CSMD2: variants seen among roughly 807,000 people sequenced by gnomAD.
The protein encoded by CSMD2 is CUB and Sushi multiple domains 2, also known as CUB and sushi domain-containing protein 2.
In CSMD2, 130 loss-of-function variants were observed where a neutral mutation model predicts 398.5. The ratio of observed to expected loss-of-function variants is 0.33; its 90% CI spans 0.28 to 0.38. CSMD2 has a LOEUF of 0.38. CSMD2 is among the 10% of genes least tolerant of loss of function. The probability of loss-of-function intolerance (pLI) is 1.00; values close to 1 mark genes in which losing one functional copy is unlikely to be tolerated. For missense variants in CSMD2, 3,829 were observed against 4,764.9 expected (o/e 0.80, Z 5.78); for synonymous variants, 1,828 against 1,908.5 (o/e 0.96, Z 1.10).
At chr1:33,655,375 A>C (rs1643916879) in intron 27 of CSMD2, among the ~76,000 whole-genome samples, 1 of 152,248 alleles carries the variant, frequency 6.6e-6, no homozygotes, top group South Asian at 2.1e-4. Context: ...GCTAACTATG[A>C]GCCAGGCACA....
intron 5 of CSMD2, among the ~76,000 whole-genome samples, chr1:33,874,639 T>G (rs1396475967): frequency 6.6e-6 from 1 of 152,166 alleles, no homozygotes; most frequent in Non-Finnish European, 1.5e-5. Context: ...CCTGGATCTA[T>G]CCCTGGGTGT....
At chr1:33,521,390 A>G in intron 68 of CSMD2, 73 bp downstream of exon 68, 1 of 1,053,392 alleles carries the variant, frequency 9.5e-7, no homozygotes, top group Non-Finnish European at 1.5e-6. Context: ...CCAGTCCTCT[A>G]CCTGACCACG....
At position 33,561,558 on chromosome 1, in the gene CSMD2, T is replaced by C. The variant is rs140587181; in HGVS notation, c.8381-2085A>G. Among the ~76,000 whole-genome samples the C allele has an allele frequency of 2.8e-3, 420 of 152,320 alleles. 1 individual carries two copies. The highest frequency in any genetic ancestry group is 0.01 in the Middle Eastern group (3 of 294). ...ATGGAGTGGAATATACAAAGAAGAA[T>C]ATAAAATGTTCTCTGACCTCAGGAA... is the stretch of plus-strand genomic sequence containing the variant. On this transcript the variant is annotated intron_variant, in intron 53 of 70. Coordinates refer to ENST00000373381, the MANE Select transcript of CSMD2 (RefSeq NM_001281956.2).
intron 4 of CSMD2, among the ~76,000 whole-genome samples, chr1:33,920,401 G>C (rs1570507074): frequency 2.0e-5 from 3 of 151,528 alleles, no homozygotes; most frequent in Non-Finnish European, 4.4e-5. Context: ...AGTTGGCTGG[G>C]TGTGGTGGCG....
chr1:34,070,384 C>A (rs1222012982), intron 2 of CSMD2, among the ~76,000 whole-genome samples: 1 of 152,196 alleles, frequency 6.6e-6, no homozygotes, highest in Non-Finnish European at 1.5e-5. Flanking sequence ...TTTCTCCCGC[C>A]CTCCACAGGC....
intron 40 of CSMD2, 64 bp from the exon 41 acceptor site, chr1:33,611,314 T>A: frequency 7.1e-7 from 1 of 1,403,998 alleles, no homozygotes; most frequent in Non-Finnish European, 1.0e-6. Context: ...GTGTGCTGCC[T>A]CATGAAAGCA....
At chr1:33,913,485 A>G (rs1030625333) in intron 5 of CSMD2, among the ~76,000 whole-genome samples, 23 of 152,168 alleles carry the variant, frequency 1.5e-4, no homozygotes, top group African/African-American at 5.3e-4. Context: ...TTTTCCTCTC[A>G]AAGCCTCATT....
At chr1:33,516,976 G>A (rs865788990) in intron 70 of CSMD2, among the ~76,000 whole-genome samples, 1 of 151,646 alleles carries the variant, frequency 6.6e-6, no homozygotes, top group Non-Finnish European at 1.5e-5. Flanking sequence ...ATTCATTTTT[G>A]TAGTGACACA....
At chr1:34,030,248 A>G (rs1031717780) in intron 3 of CSMD2, among the ~76,000 whole-genome samples, 27 of 152,328 alleles carry the variant, frequency 1.8e-4, no homozygotes, top group African/African-American at 6.5e-4. Context: ...GCTGATGGCT[A>G]CTGTATTGGA....
chr1:33,868,866 AATGG>A (rs1640237047), intron 5 of CSMD2: 1 of 152,182 alleles, frequency 6.6e-6, no homozygotes, highest in Non-Finnish European at 1.5e-5. Context: ...GGGCACTTGA[AATGG>A]ATGGTCAGAA....
In CSMD2 at chr1:34,007,528, C is replaced by T. The variant is rs60661749; in HGVS notation, c.517+25066G>A. ...AATGGGTATGCATTACTGATAAGAACATAAATCTCCCTGGAAAGCAATTTG... is the reference window on the plus strand; with the variant it reads ...AATGGGTATGCATTACTGATAAGAATATAAATCTCCCTGGAAAGCAATTTG... On this transcript the variant is annotated intron_variant, in intron 3 of 70. Transcript: ENST00000373381. 1.6e-3 allele frequency among the ~76,000 whole-genome samples: 238 copies of T among 152,258 alleles called. 1 individual carries two copies. The highest frequency in any genetic ancestry group is 5.2e-3 in the African/African-American group (218 of 41,550).
At chr1:34,035,673 G>GAAA (rs201969213) in intron 2 of CSMD2, among the ~76,000 whole-genome samples, 1 of 130,154 alleles carries the variant, frequency 7.7e-6, no homozygotes, top group African/African-American at 2.7e-5. Flanking sequence ...GTAGTTAAAC[G>GAAA]AAAAAAAAAA....
At chr1:33,963,888 G>A (rs1381934600) in intron 3 of CSMD2, among the ~76,000 whole-genome samples, 2 of 152,104 alleles carry the variant, frequency 1.3e-5, no homozygotes, top group Non-Finnish European at 2.9e-5. Flanking sequence ...AAGTCTTTGT[G>A]TGGACATATG....
At chr1:33,793,832 A>T (rs1654630894) in intron 10 of CSMD2, among the ~76,000 whole-genome samples, 1 of 152,048 alleles carries the variant, frequency 6.6e-6, no homozygotes, top group African/African-American at 2.4e-5. Context: ...GGAGGGAAAG[A>T]TCCAGGATAA....
At chr1:33,999,224 C>T (rs1420177513) in intron 3 of CSMD2, among the ~76,000 whole-genome samples, 1 of 152,064 alleles carries the variant, frequency 6.6e-6, no homozygotes, top group African/African-American at 2.4e-5. Flanking sequence ...GACTGCAATG[C>T]CAGAGGAGGA....
At chr1:33,902,556 G>C (rs921922014) in intron 5 of CSMD2, among the ~76,000 whole-genome samples, 3 of 152,152 alleles carry the variant, frequency 2.0e-5, no homozygotes, top group Admixed American at 1.3e-4. Flanking sequence ...TTGTCACCCT[G>C]CTGGTTCTAA....
At chr1:33,616,395 A>T (rs1641389215) in intron 39 of CSMD2, among the ~76,000 whole-genome samples, 2 of 152,070 alleles carry the variant, frequency 1.3e-5, no homozygotes. Flanking sequence ...GTGCCACCAC[A>T]TCTGCCTAAT....
rs543388139 is a variant in CSMD2 at position 33,890,708 on chromosome 1, A to G, written c.920+27386T>C. On this transcript the variant is annotated intron_variant, in intron 5 of 70. Coordinates refer to ENST00000373381, the MANE Select transcript of CSMD2 (RefSeq NM_001281956.2). ...GGTACCAAAACAGAGATATAGATCA[A>G]TGGAACAGAACAGAGCCCTCAGAAA... Among the ~76,000 whole-genome samples the G allele has an allele frequency of 9.9e-5, 15 of 151,940 alleles. No individual in the cohort carries two copies. In the East Asian group the frequency reaches 2.7e-3, roughly 27 times the overall value.
In CSMD2 at chr1:33,988,464, C is replaced by T. The variant is rs1401278375; in HGVS notation, c.517+44130G>A. Among the ~76,000 whole-genome samples the T allele has an allele frequency of 2.0e-5, 3 of 152,214 alleles. No homozygotes were observed. In the East Asian group the frequency reaches 5.8e-4, roughly 29 times the overall value. On this transcript the variant is annotated intron_variant, in intron 3 of 70. Transcript: ENST00000373381. ...CACCCTGCAGGTCTCTGCTCAAACG[C>T]TGTCTTCTTAGAAATGTTGCCCTCT...
Sources: allele counts gnomAD v4.1 joint callset (sites outside exome capture counted in the v4.1 genomes callset), GRCh38; gene constraint gnomAD v4.1.1; transcripts MANE v1.5; gene names NCBI Gene and HGNC (gene_info 2026-07-23, HGNC 2026-07-21).